Variants in RARB observed in about 807,000 individuals in gnomAD.
RARB encodes the protein HBV-activated protein.
RARB carries 17 observed loss-of-function variants against 51.9 expected under a neutral mutation model. The observed-to-expected ratio is 0.33, with a 90% CI of 0.22 to 0.49. The LOEUF (loss-of-function observed/expected upper bound fraction) is 0.49. Among genes scored for constraint, RARB ranks in the 20% least tolerant of loss-of-function variants. RARB has a pLI of 0.99. For missense variants in RARB, 369 were observed against 550.8 expected, an observed-to-expected ratio of 0.67 and a Z score of 3.30; for synonymous variants, 215 against 195.4, an observed-to-expected ratio of 1.10 and a Z score of -0.84.
intron 3 of RARB, among the ~76,000 whole-genome samples, chr3:25,511,531 G>GA (rs1360234240): frequency 2.0e-5 from 3 of 151,972 alleles, no homozygotes; most frequent in East Asian, 1.9e-4. Flanking sequence ...TTTTATTTAA[G>GA]AAAAAAAATC....
At chr3:25,174,456 A>C (rs781326807) in exon 5 of RARB, 5 of 1,352,060 alleles carry the variant, frequency 3.7e-6, no homozygotes, top group Non-Finnish European at 4.9e-6. Context: ...ATGACTCACT[A>C]TCCAGCCACA....
chr3:25,464,251 G>A (rs1485573283), intron 2 of RARB, among the ~76,000 whole-genome samples: 2 of 152,106 alleles, frequency 1.3e-5, no homozygotes, highest in Non-Finnish European at 2.9e-5. Context: ...TGCATATGAA[G>A]CTGTTTCATG....
At chr3:25,354,678 T>A (rs1379329144) in intron 5 of RARB, among the ~76,000 whole-genome samples, 1 of 152,120 alleles carries the variant, frequency 6.6e-6, no homozygotes, top group Admixed American at 6.6e-5. Flanking sequence ...TTAACTATTC[T>A]GAGTAAAATG....
rs941255436 is a variant in RARB at position 25,084,469 on chromosome 3, T to C, written c.-328+24293T>C. 9.8e-5 allele frequency among the ~76,000 whole-genome samples: 15 copies of C among 152,286 alleles called. No homozygotes were observed. In the East Asian group the frequency reaches 2.9e-3, roughly 29 times the overall value. ...TTTTAAAGTTTTATTTTGTTGACTT[T>C]TAATCATCTGTTTAGATTACACTGG... On this transcript the variant is annotated intron_variant, in intron 3 of 11. Coordinates refer to the RARB transcript ENST00000383772.
intron 4 of RARB, among the ~76,000 whole-genome samples, chr3:25,163,504 A>AAAAAAAAAAAAAATATATATATATATAT (rs1303712411): frequency 1.5e-5 from 2 of 131,096 alleles, no homozygotes; most frequent in African/African-American, 6.4e-5. Flanking sequence ...CCTATCTCAA[A>AAAAAAAAAAAAAATATATATATATATAT]ATATATATAT....
chr3:24,952,629 G>C (rs1234212984), intron 2 of RARB, among the ~76,000 whole-genome samples: 2 of 152,092 alleles, frequency 1.3e-5, no homozygotes. Flanking sequence ...TGGCACAGCA[G>C]GTGCTCAGTA....
At chr3:25,576,379 T>C (rs1700930109) in intron 4 of RARB, among the ~76,000 whole-genome samples, 1 of 152,184 alleles carries the variant, frequency 6.6e-6, no homozygotes, top group South Asian at 2.1e-4. Flanking sequence ...CAGAAGGCAT[T>C]CGTGGCCCCT....
rs192321862 is a variant in RARB at position 25,250,583 on chromosome 3, C to T, written c.178+76008C>T. On this transcript the variant is annotated intron_variant, in intron 5 of 11. Transcript: ENST00000383772. ...GGGTCACTGACAGTGGCTCATGATT[C>T]ACGCCTGGTGGCAGCAGCCAGAAGT... 4.0e-3 allele frequency among the ~76,000 whole-genome samples: 608 copies of T among 152,254 alleles called. 3 individuals are homozygous for T. Among genetic ancestry groups the T allele is most frequent in the Non-Finnish European group, 6.5e-3 (442 of 68,016 alleles).
At chr3:25,009,029 A>T (rs569914053) in intron 2 of RARB, among the ~76,000 whole-genome samples, 1 of 152,164 alleles carries the variant, frequency 6.6e-6, no homozygotes, top group Non-Finnish European at 1.5e-5. Flanking sequence ...CCGAAGAAGC[A>T]GAGTGACCTG....
At chr3:25,032,660 C>T (rs932384853) in intron 2 of RARB, among the ~76,000 whole-genome samples, 36 of 152,158 alleles carry the variant, frequency 2.4e-4, no homozygotes, top group African/African-American at 8.7e-4. Context: ...GACACAGTCA[C>T]TTTTATATAC....
intron 5 of RARB, among the ~76,000 whole-genome samples, chr3:25,260,612 T>C (rs1373541429): frequency 6.6e-6 from 1 of 152,080 alleles, no homozygotes; most frequent in Admixed American, 6.6e-5. Flanking sequence ...CCAACCCAGC[T>C]CTTCATCTTA....
chr3:25,323,102 T>C (rs1205325407), intron 5 of RARB, among the ~76,000 whole-genome samples: 6 of 152,122 alleles, frequency 3.9e-5, no homozygotes, highest in East Asian at 1.9e-4. Context: ...TGCTCCTCCA[T>C]TGGCCTCTCT....
chr3:25,213,398 C>T (rs1292987155), intron 5 of RARB, among the ~76,000 whole-genome samples: 1 of 151,868 alleles, frequency 6.6e-6, no homozygotes, highest in East Asian at 1.9e-4. Context: ...TAGCTATGGT[C>T]GGTTCTTTTT....
chr3:25,290,381 CA>C (rs958963011), intron 5 of RARB, among the ~76,000 whole-genome samples: 13 of 152,140 alleles, frequency 8.5e-5, no homozygotes, highest in Non-Finnish European at 1.9e-4. Context: ...AGAGAGGCCT[CA>C]GAAGAAGCAA....
At chr3:25,007,238 C>T (rs1336725163) in intron 2 of RARB, among the ~76,000 whole-genome samples, 1 of 152,096 alleles carries the variant, frequency 6.6e-6, no homozygotes, top group Non-Finnish European at 1.5e-5. Context: ...CAACATTTGC[C>T]CTTTGATCTT....
intron 2 of RARB, among the ~76,000 whole-genome samples, chr3:25,471,255 C>G (rs1695674929): frequency 6.6e-6 from 1 of 152,144 alleles, no homozygotes. Context: ...CGTATGTCCT[C>G]TCTGATACTA....
chr3:25,292,195 A>C (rs978152004), intron 5 of RARB, among the ~76,000 whole-genome samples: 2 of 152,184 alleles, frequency 1.3e-5, no homozygotes, highest in African/African-American at 4.8e-5. Flanking sequence ...TAACAAAAAT[A>C]CAAAGACTGT....
At chr3:24,965,489 G>A (rs548283135) in intron 2 of RARB, among the ~76,000 whole-genome samples, 15 of 152,254 alleles carry the variant, frequency 9.9e-5, no homozygotes, top group African/African-American at 2.9e-4. Flanking sequence ...AGAGAACCAT[G>A]GTTTTCATCA....
chr3:25,104,014 A>G (rs1699452995), intron 3 of RARB, among the ~76,000 whole-genome samples: 3 of 152,184 alleles, frequency 2.0e-5, no homozygotes, highest in African/African-American at 7.2e-5. Context: ...CATCAGACAG[A>G]TATGCCGTAC....
Sources: allele counts gnomAD v4.1 joint callset (sites outside exome capture counted in the v4.1 genomes callset), GRCh38; gene constraint gnomAD v4.1.1; transcripts MANE v1.5; gene names NCBI Gene and HGNC (gene_info 2026-07-23, HGNC 2026-07-21).